Variants in MCF2L2 observed in about 807,000 individuals in gnomAD.
MCF2L2 encodes the protein MCF.2 cell line derived transforming sequence-like 2.
A neutral mutation model predicts 150.2 loss-of-function variants in MCF2L2; 102 were observed. The observed-to-expected ratio is 0.68, with a 90% CI of 0.58 to 0.80. The LOEUF (loss-of-function observed/expected upper bound fraction) is 0.80, where lower values mean the gene tolerates loss of function less well. MCF2L2 is among the 30% of genes least tolerant of loss of function. The pLI is 0.00. For missense variants in MCF2L2, 1,256 were observed against 1,372.8 expected (o/e 0.91, Z 1.34); for synonymous variants, 465 against 491.3 (o/e 0.95, Z 0.71).
intron 1 of MCF2L2, among the ~76,000 whole-genome samples, chr3:183,427,100 C>G (rs1716201258): frequency 6.6e-6 from 1 of 152,158 alleles, no homozygotes; most frequent in Admixed American, 6.5e-5. Context: ...CCCGATAATT[C>G]CAGTTGCCCA....
At chr3:183,424,590 G>A (rs1465205241) in intron 1 of MCF2L2, among the ~76,000 whole-genome samples, 4 of 152,142 alleles carry the variant, frequency 2.6e-5, no homozygotes, top group Non-Finnish European at 4.4e-5. Context: ...GAGTCTAGAA[G>A]CAGAGCAGGT....
intron 15 of MCF2L2, 55 bp downstream of exon 15, chr3:183,276,817 G>T: frequency 7.9e-7 from 1 of 1,258,288 alleles, no homozygotes; most frequent in Non-Finnish European, 1.1e-6. Context: ...GAGGATCCTC[G>T]CCACCCATGC....
chr3:183,215,716 C>T (rs1354033875), intron 22 of MCF2L2, among the ~76,000 whole-genome samples: 2 of 152,182 alleles, frequency 1.3e-5, no homozygotes, highest in Non-Finnish European at 2.9e-5. Context: ...TGGCCCTTGA[C>T]TTTCTGGTTT....
At position 183,179,041 on chromosome 3, in the gene MCF2L2, G is replaced by T. The variant is rs111877566; in HGVS notation, c.*339C>A. Reference sequence around the variant, plus strand: ...GGCACCTAGTGGGTAGAGGCCAGGGGTGCTACTAAACATCCTACCGTGGGA... The same window carrying T: ...GGCACCTAGTGGGTAGAGGCCAGGGTTGCTACTAAACATCCTACCGTGGGA... On this transcript the variant is annotated 3_prime_UTR_variant, in exon 30 of 30. Transcript: ENST00000328913. This position sits in a 1 kb window ranked among gnomAD's most constrained non-coding sequence, Gnocchi z 4.2. 8.2e-6 allele frequency: 2 copies of T among 243,828 alleles called. No homozygotes were observed. The highest frequency in any genetic ancestry group is 5.6e-5 in the Admixed American group (1 of 17,950). The allele number at this position is 243,828 out of a possible 1,614,324, so 15.1% of individuals were successfully genotyped here.
At chr3:183,254,301 G>T (rs1275721276) in intron 15 of MCF2L2, 1 of 151,824 alleles carries the variant, frequency 6.6e-6, no homozygotes, top group Admixed American at 6.6e-5. Context: ...CCGCCGCCCT[G>T]GCCCGGACCG....
intron 18 of MCF2L2, chr3:183,224,422 A>T: frequency 4.4e-6 from 2 of 453,420 alleles, no homozygotes; most frequent in South Asian, 7.1e-5. Flanking sequence ...CTCTGGGAGC[A>T]TCTACAAGGG....
Position 183,195,235 on chromosome 3 carries a change from CA to C in MCF2L2, c.2904del (p.Phe968LeufsTer3). 6.2e-7 allele frequency: 1 copy of C among 1,605,520 alleles called. No individual in the cohort carries two copies. The highest frequency in any genetic ancestry group is 8.5e-7 in the Non-Finnish European group (1 of 1,177,424). On this transcript the variant is annotated frameshift_variant, in exon 26 of 30. Coordinates refer to ENST00000328913, the MANE Select transcript of MCF2L2 (RefSeq NM_015078.4). LOFTEE classifies it high-confidence loss of function. ...NNIKDQGNPQ[F>X]EMSTSKGSGA... ...ATCAGTACTCACCTCGTGCTCATTT[CA>C]AACTGTGGATTTCCTTGGTCTAAAA...
chr3:183,179,932 G>A lies in MCF2L2; in HGVS notation c.3105+139C>T, dbSNP rs946962967. On this transcript the variant is annotated intron_variant, in intron 28 of 29. Coordinates refer to ENST00000328913, the MANE Select transcript of MCF2L2 (RefSeq NM_015078.4). The surrounding 1 kb of genome is among the most constrained non-coding windows in gnomAD (Gnocchi z 4.2). ...CCAGTTTGAGGGTCTGGTGACCTCG[G>A]CTCCCTGGCTTAACCAGGTCCTTAT... 68 of 791,438 alleles carry A rather than the reference G, an allele frequency of 8.6e-5. No homozygotes were observed. The highest frequency in any genetic ancestry group is 1.3e-4 in the Non-Finnish European group (59 of 466,408). 49.0% of individuals were successfully genotyped at this position (791,438 alleles called of 1,614,324 possible).
chr3:183,210,488 C>T (rs1304999333), intron 22 of MCF2L2, among the ~76,000 whole-genome samples: 1 of 152,148 alleles, frequency 6.6e-6, no homozygotes, highest in Non-Finnish European at 1.5e-5. Flanking sequence ...ACATAAGAAA[C>T]ATTTCTCCCA....
intron 11 of MCF2L2, chr3:183,298,309 T>C (rs1212469297): frequency 6.6e-6 from 1 of 152,208 alleles, no homozygotes; most frequent in African/African-American, 2.4e-5. Flanking sequence ...TACCTCTGCA[T>C]TTCCATTTAC....
chr3:183,231,325 T>C lies in MCF2L2; in HGVS notation c.1863-308A>G. 3 of 513,924 alleles carry C rather than the reference T, an allele frequency of 5.8e-6. No homozygotes were observed. In the Admixed American group the frequency reaches 6.9e-5, roughly 12 times the overall value. 31.8% of individuals were successfully genotyped at this position (513,924 alleles called of 1,614,324 possible). A position where few individuals can be genotyped will look rare whatever the true frequency, so the allele number is the denominator to read the frequency against. Reference sequence around the variant, plus strand: ...GTGTGGGGGTCAAGAAGGGAGATGTTGGAGTCAGAAATACCAGGTCTGGAT... The same window carrying C: ...GTGTGGGGGTCAAGAAGGGAGATGTCGGAGTCAGAAATACCAGGTCTGGAT... On this transcript the variant is annotated intron_variant, in intron 15 of 29. Coordinates refer to ENST00000328913, the MANE Select transcript of MCF2L2 (RefSeq NM_015078.4).
In MCF2L2 at chr3:183,179,491, G is replaced by T. The variant is rs746942664; in HGVS notation, c.3234C>A (p.Ser1078Arg). 1.3e-4 allele frequency: 208 copies of T among 1,608,686 alleles called. No individual in the cohort carries two copies. The highest frequency in any genetic ancestry group is 1.8e-4 in the Non-Finnish European group (208 of 1,177,070). ...ACGCCCCAGCGCGCTCCTCCTCGGT[G>T]CTGCGGGTCGCCCTGCAATTCCGAG... ...ERDEEETATR[S>R]TEEERAGAST... is the part of the protein sequence containing the mutation. The change falls in exon 30 of 30, where the codon AGC becomes AGA. Residue 1078 changes from serine (S) to arginine (R), a missense_variant. Transcript: ENST00000328913. The surrounding 1 kb of genome is among the most constrained non-coding windows in gnomAD (Gnocchi z 4.2).
chr3:183,404,225 T>C (rs944372928), intron 1 of MCF2L2, among the ~76,000 whole-genome samples: 5 of 152,242 alleles, frequency 3.3e-5, no homozygotes, highest in African/African-American at 7.2e-5. Flanking sequence ...AGTTCACTCA[T>C]AATTTTTTAA....
At chr3:183,297,191 G>A (rs759544756) in intron 11 of MCF2L2, 24 bp from the exon 12 acceptor site, 26 of 1,605,826 alleles carry the variant, frequency 1.6e-5, no homozygotes, top group Non-Finnish European at 2.0e-5. Context: ...ACAGTGCCCT[G>A]TGCACTTCGC....
intron 1 of MCF2L2, among the ~76,000 whole-genome samples, chr3:183,417,115 C>CAAAAAAAA (rs74989072): frequency 3.6e-4 from 16 of 44,246 alleles, no homozygotes; most frequent in African/African-American, 9.5e-4. Flanking sequence ...GACTCTGTCT[C>CAAAAAAAA]AAAAAAAAAA....
At chr3:183,231,623 G>A (rs1723562617) in intron 15 of MCF2L2, among the ~76,000 whole-genome samples, 1 of 148,474 alleles carries the variant, frequency 6.7e-6, no homozygotes, top group Non-Finnish European at 1.5e-5. Context: ...CCCAGCTAAC[G>A]CCTTTTTTTT....
Position 183,301,793 on chromosome 3 carries a change from C to CAAAAAAAAAAAAAA in MCF2L2, c.1114-1611_1114-1598dup, listed in dbSNP as rs200514561. 1.6e-3 allele frequency among the ~76,000 whole-genome samples: 202 copies of CAAAAAAAAAAAAAA among 124,298 alleles called. 1 individual carries two copies. Among genetic ancestry groups the CAAAAAAAAAAAAAA allele is most frequent in the African/African-American group, 5.8e-3 (194 of 33,176 alleles). The allele number at this position is 124,298 out of a possible 152,430, so 81.5% of individuals were successfully genotyped here. ...CTGGGTGAGAGCTAGGCTCTGTCTCCAAAAAAAAAAAAAAAAGAGAAAAGA... is the reference window on the plus strand; with the variant it reads ...CTGGGTGAGAGCTAGGCTCTGTCTCCAAAAAAAAAAAAAAAAAAAAAAAAAAAAAAGAGAAAAGA... On this transcript the variant is annotated intron_variant, in intron 10 of 29. Coordinates refer to ENST00000328913, the MANE Select transcript of MCF2L2 (RefSeq NM_015078.4).
intron 1 of MCF2L2, among the ~76,000 whole-genome samples, chr3:183,425,848 G>T (rs546582750): frequency 6.6e-6 from 1 of 152,040 alleles, no homozygotes; most frequent in Non-Finnish European, 1.5e-5. Context: ...CCAGCTACTC[G>T]GGAGGCTGAG....
chr3:183,395,367 G>A (rs369571758), intron 1 of MCF2L2, among the ~76,000 whole-genome samples: 19 of 152,244 alleles, frequency 1.2e-4, no homozygotes, highest in Admixed American at 6.5e-4. Context: ...AAAACCAAGC[G>A]TGTGATATGT....
Sources: gnomAD v4.1 joint callset for allele counts (sites outside exome capture counted in the v4.1 genomes callset) on GRCh38, gnomAD v4.1.1 for gene constraint, Gnocchi (gnomAD v3.1) non-coding constraint, MANE v1.5 for transcripts, NCBI Gene and HGNC (gene_info 2026-07-23, HGNC 2026-07-21) for gene names.